Variants in TECTA observed in about 807,000 individuals in gnomAD.
TECTA encodes tectorin alpha.
Under a neutral mutation model 216.8 loss-of-function variants are expected in TECTA, and 128 were observed. The ratio of observed to expected loss-of-function variants is 0.59; its 90% CI spans 0.51 to 0.68. TECTA has a LOEUF of 0.68. Among genes scored for constraint, TECTA ranks in the 30% least tolerant of loss-of-function variants. TECTA has a pLI of 0.00. For missense variants in TECTA, 2,551 were observed against 2,786.2 expected (o/e 0.92, Z 1.90); for synonymous variants, 1,089 against 1,117.1 (o/e 0.97, Z 0.50).
intron 11 of TECTA, among the ~76,000 whole-genome samples, chr11:121,143,079 C>G (rs949018856): frequency 6.6e-6 from 1 of 152,208 alleles, no homozygotes; most frequent in African/African-American, 2.4e-5. Flanking sequence ...TTCTGCAACC[C>G]AAATTCTGGC....
At chr11:121,120,796 T>G (rs1167458399) in intron 7 of TECTA, among the ~76,000 whole-genome samples, 1 of 152,228 alleles carries the variant, frequency 6.6e-6, no homozygotes, top group East Asian at 1.9e-4. Flanking sequence ...CTTCCCCGCG[T>G]GAACACGAGT....
At chr11:121,156,727 T>TCAAG (rs953363940) in intron 13 of TECTA, among the ~76,000 whole-genome samples, 4 of 152,020 alleles carry the variant, frequency 2.6e-5, no homozygotes, top group Admixed American at 2.6e-4. Flanking sequence ...ACCCCTGGGC[T>TCAAG]CAAGCAGTCC....
chr11:121,158,279 A>G (rs948716690), intron 14 of TECTA, 55 bp downstream of exon 14: 42 of 1,601,760 alleles, frequency 2.6e-5, no homozygotes, highest in Middle Eastern at 3.3e-4. Context: ...GGGGTTGGCT[A>G]GGGGACTGTG....
rs199650266 is a variant in TECTA at position 121,175,322 on chromosome 11, G to A, written c.5999+6397G>A. Among the ~76,000 whole-genome samples the A allele has an allele frequency of 8.6e-5, 13 of 151,562 alleles. No individual in the cohort carries two copies. In the East Asian group the frequency reaches 2.3e-3, roughly 27 times the overall value. On this transcript the variant is annotated intron_variant, in intron 20 of 23. Coordinates refer to ENST00000392793, the MANE Select transcript of TECTA (RefSeq NM_005422.4). ...TTGGATCTTTCCTGCTTTCTCTTGT[G>A]GGCATTTAGTGCTATAAATTTCCCT... is the stretch of plus-strand genomic sequence containing the variant.
Position 121,128,215 on chromosome 11 carries a change from C to T in TECTA, c.2238C>T (p.Arg746=), listed in dbSNP as rs759908172. The T allele has an allele frequency of 1.2e-6, 2 of 1,604,006 alleles. No individual in the cohort carries two copies. Among genetic ancestry groups the T allele is most frequent in the Non-Finnish European group, 1.7e-6 (2 of 1,179,970 alleles). The part of the protein sequence containing the change: ...SYTLLKTCPE[R]PEYLEIDINK... ...CCCTCCTGAAGACCTGCCCTGAGCG[C>T]CCAGAGTACTTGGAAATCGACATCA... Residue 746 remains arginine (R), a synonymous_variant, in exon 9 of 24, where the codon CGC becomes CGT. Coordinates refer to ENST00000392793, the MANE Select transcript of TECTA (RefSeq NM_005422.4).
intron 6 of TECTA, among the ~76,000 whole-genome samples, chr11:121,117,075 C>T (rs1946508537): frequency 6.6e-6 from 1 of 152,198 alleles, no homozygotes; most frequent in Admixed American, 6.5e-5. Context: ...AACCTTGCAG[C>T]CTTGTGCTAT....
intron 16 of TECTA, among the ~76,000 whole-genome samples, chr11:121,163,558 C>G (rs1947021872): frequency 6.6e-6 from 1 of 151,884 alleles, no homozygotes; most frequent in South Asian, 2.1e-4. Context: ...ATGTAACTAA[C>G]CTGCACATTG....
intron 7 of TECTA, among the ~76,000 whole-genome samples, chr11:121,122,290 G>A (rs867322234): frequency 6.6e-6 from 1 of 152,118 alleles, no homozygotes; most frequent in South Asian, 2.1e-4. Context: ...AGGCCAGAGG[G>A]AGCTCATTTC....
In TECTA at chr11:121,128,220, A is replaced by C. The variant is rs1374438864; in HGVS notation, c.2243A>C (p.Glu748Ala). The C allele has an allele frequency of 6.2e-7, 1 of 1,603,170 alleles. No individual in the cohort carries two copies. The highest frequency in any genetic ancestry group is 8.5e-7 in the Non-Finnish European group (1 of 1,179,966). ...TLLKTCPERP[E>A]YLEIDINKKK... ...CTGAAGACCTGCCCTGAGCGCCCAG[A>C]GTACTTGGAAATCGACATCAACAAG... Residue 748 changes from glutamate (E) to alanine (A), a missense_variant, in exon 9 of 24, where the codon GAG becomes GCG. Glu to Ala is a moderately radical substitution (Grantham distance 107). This residue lies in a region of TECTA where 2,375 missense variants were observed against 2,563.9 expected (regional missense o/e 0.93). Transcript: ENST00000392793.
intron 20 of TECTA, among the ~76,000 whole-genome samples, chr11:121,178,430 A>C (rs572948612): frequency 3.7e-4 from 55 of 150,586 alleles, no homozygotes; most frequent in Non-Finnish European, 6.6e-4. Context: ...ATCATGGCGT[A>C]TTATCTTTTT....
rs529659654 is a variant in TECTA at position 121,157,376 on chromosome 11, A to G, written c.4306-465A>G. ...TCCAAGCAGTTTGGGAGGCTGAGGC[A>G]GGAGGATCACTCGAGCCTAGCAGTT... On this transcript the variant is annotated intron_variant, in intron 13 of 23. Coordinates refer to ENST00000392793, the MANE Select transcript of TECTA (RefSeq NM_005422.4). Among the ~76,000 whole-genome samples, 8 of 152,174 alleles carry G rather than the reference A, an allele frequency of 5.3e-5. No homozygotes were observed. In the South Asian group the frequency reaches 1.7e-3, roughly 32 times the overall value.
intron 3 of TECTA, 132 bp from the exon 4 acceptor site, chr11:121,109,079 T>G: frequency 2.1e-6 from 2 of 952,268 alleles, no homozygotes; most frequent in Non-Finnish European, 3.2e-6. Context: ...GAACCCGGTG[T>G]TTGGGGGTTC....
intron 7 of TECTA, among the ~76,000 whole-genome samples, chr11:121,125,096 A>G (rs377137180): frequency 1.3e-5 from 2 of 152,370 alleles, no homozygotes; most frequent in African/African-American, 4.8e-5. Flanking sequence ...CCATATACAC[A>G]GTGCGTGGGC....
intron 13 of TECTA, among the ~76,000 whole-genome samples, chr11:121,156,102 G>A (rs766229419): frequency 9.2e-5 from 14 of 152,228 alleles, no homozygotes; most frequent in Non-Finnish European, 1.9e-4. Flanking sequence ...ATCCTATGCC[G>A]GAAGTGTGTT....
chr11:121,153,146 G>A (rs1946909279), intron 13 of TECTA, 66 bp downstream of exon 13: 1 of 1,554,838 alleles, frequency 6.4e-7, no homozygotes, highest in African/African-American at 1.4e-5. Flanking sequence ...ACTCTAAGAG[G>A]TTGGTCAGAT....
chr11:121,102,795 T>C (rs1946358417), intron 2 of TECTA, 66 bp downstream of exon 2: 1 of 1,390,058 alleles, frequency 7.2e-7, no homozygotes, highest in African/African-American at 1.4e-5. Context: ...AGAGACACTT[T>C]TATTGGAACC....
At chr11:121,165,226 G>A (rs1305673096) in intron 16 of TECTA, 47 bp from the exon 17 acceptor site, 1 of 1,530,466 alleles carries the variant, frequency 6.5e-7, no homozygotes, top group Non-Finnish European at 8.9e-7. Context: ...ACCGCATGTA[G>A]GTGTGAAAAT....
rs749436673 is a variant in TECTA at position 121,187,787 on chromosome 11, G to C, written c.6000-45G>C. On this transcript the variant is annotated intron_variant, in intron 20 of 23. Coordinates refer to ENST00000392793, the MANE Select transcript of TECTA (RefSeq NM_005422.4). The stretch of plus-strand genomic sequence containing the variant: ...ACTGAAGGTGAGGATTAAGGTGTAA[G>C]AGGAAAACATGTGAAGCAAAGATTC... The C allele has an allele frequency of 3.1e-6, 5 of 1,610,872 alleles. No homozygotes were observed. The African/African-American group carries it at 5.3e-5, about 17-fold the overall frequency.
At chr11:121,130,341 C>G (rs1946661824) in intron 10 of TECTA, 130 bp downstream of exon 10, 2 of 1,051,992 alleles carry the variant, frequency 1.9e-6, no homozygotes, top group Non-Finnish European at 2.7e-6. Flanking sequence ...GTATACCTAC[C>G]CTAGTCTGAT....
Sources: gnomAD v4.1 joint callset for allele counts (sites outside exome capture counted in the v4.1 genomes callset) on GRCh38, gnomAD v4.1.1 for gene constraint, gnomAD v4.1.1 regional missense constraint, MANE v1.5 for transcripts, NCBI Gene and HGNC (gene_info 2026-07-23, HGNC 2026-07-21) for gene names.